Variants in PCED1B observed in about 807,000 individuals in gnomAD.
The protein encoded by PCED1B is PC-esterase domain-containing protein 1B.
For synonymous variants in PCED1B, 251 were observed against 246.1 expected (o/e 1.02, Z -0.19); for missense variants, 573 against 573.9 (o/e 1.00, Z 0.02).
chr12:47,191,750 G>T (rs1313851029), intron 2 of PCED1B, among the ~76,000 whole-genome samples: 1 of 152,080 alleles, frequency 6.6e-6, no homozygotes, highest in East Asian at 1.9e-4. Context: ...ATCGCTGAGG[G>T]TGCGGCCTGG....
intron 2 of PCED1B, among the ~76,000 whole-genome samples, chr12:47,194,319 C>T (rs553914237): frequency 4.0e-4 from 61 of 152,264 alleles, no homozygotes; most frequent in South Asian, 4.1e-4. Flanking sequence ...GGATTACAGG[C>T]GCGCAGCACC....
At chr12:47,125,264 A>T (rs933990147) in intron 2 of PCED1B, among the ~76,000 whole-genome samples, 1 of 151,932 alleles carries the variant, frequency 6.6e-6, no homozygotes, top group East Asian at 1.9e-4. Flanking sequence ...TTTGTTGAAA[A>T]AACTGCCCTT....
At chr12:47,101,634 A>C (rs1347906249) in intron 1 of PCED1B, among the ~76,000 whole-genome samples, 4 of 152,172 alleles carry the variant, frequency 2.6e-5, no homozygotes, top group Non-Finnish European at 5.9e-5. Flanking sequence ...TATGGATCAC[A>C]GGGAAAAAAC....
intron 2 of PCED1B, among the ~76,000 whole-genome samples, chr12:47,188,200 T>A (rs1044399826): frequency 5.3e-5 from 8 of 152,148 alleles, no homozygotes; most frequent in Non-Finnish European, 8.8e-5. Flanking sequence ...GTCTTTGGGT[T>A]CCCAGCATCT....
intron 2 of PCED1B, among the ~76,000 whole-genome samples, chr12:47,111,281 A>C (rs1400643981): frequency 6.6e-6 from 1 of 152,220 alleles, no homozygotes; most frequent in African/African-American, 2.4e-5. Context: ...GTGTTGGAAG[A>C]CTGCCTTTAA....
chr12:47,152,946 A>T (rs1941050410), intron 2 of PCED1B, among the ~76,000 whole-genome samples: 1 of 152,192 alleles, frequency 6.6e-6, no homozygotes, highest in Admixed American at 6.5e-5. Flanking sequence ...AAAAAATAAA[A>T]TAAAATAACA....
At chr12:47,213,184 A>G (rs1943146130) in intron 2 of PCED1B, among the ~76,000 whole-genome samples, 1 of 152,166 alleles carries the variant, frequency 6.6e-6, no homozygotes, top group Non-Finnish European at 1.5e-5. Flanking sequence ...TCTGTTACTA[A>G]ATCGAACTCA....
At chr12:47,140,866 A>G (rs973676219) in intron 2 of PCED1B, among the ~76,000 whole-genome samples, 6 of 152,238 alleles carry the variant, frequency 3.9e-5, no homozygotes, top group Non-Finnish European at 7.3e-5. Context: ...TACCTGCTGA[A>G]TACCCTGAGC....
At chr12:47,125,917 T>C (rs975318603) in intron 2 of PCED1B, among the ~76,000 whole-genome samples, 4 of 152,112 alleles carry the variant, frequency 2.6e-5, no homozygotes, top group African/African-American at 9.6e-5. Context: ...TTCATAGGAT[T>C]TTCTACATAT....
intron 1 of PCED1B, among the ~76,000 whole-genome samples, chr12:47,101,383 G>A (rs929724526): frequency 3.3e-5 from 5 of 152,114 alleles, no homozygotes; most frequent in Non-Finnish European, 5.9e-5. Flanking sequence ...TTTCTTGTTC[G>A]TTCGTTTCTT....
chr12:47,113,417 A>G (rs778769172), intron 2 of PCED1B, among the ~76,000 whole-genome samples: 3 of 152,136 alleles, frequency 2.0e-5, no homozygotes, highest in African/African-American at 4.8e-5. Flanking sequence ...GGCATTTTTT[A>G]CTCCAAATTT....
intron 2 of PCED1B, among the ~76,000 whole-genome samples, chr12:47,128,798 G>C (rs1940001620): frequency 6.6e-6 from 1 of 152,234 alleles, no homozygotes; most frequent in African/African-American, 2.4e-5. Context: ...GATATCTTCT[G>C]AGTTGAATTA....
intron 1 of PCED1B, among the ~76,000 whole-genome samples, chr12:47,086,804 A>G (rs1592124585): frequency 6.6e-6 from 1 of 152,174 alleles, no homozygotes; most frequent in African/African-American, 2.4e-5. Flanking sequence ...ATAAATATGG[A>G]TAATATTTAA....
At chr12:47,226,147 A>G (rs899762549) in intron 3 of PCED1B, among the ~76,000 whole-genome samples, 3 of 152,194 alleles carry the variant, frequency 2.0e-5, no homozygotes, top group African/African-American at 7.2e-5. Flanking sequence ...TTGAAAACAG[A>G]AAAAAACATG....
chr12:47,207,632 G>A (rs144402113), intron 2 of PCED1B, among the ~76,000 whole-genome samples: 2 of 152,246 alleles, frequency 1.3e-5, no homozygotes, highest in African/African-American at 2.4e-5. Flanking sequence ...TGGACCAAGC[G>A]ATGGAAGGAA....
At chr12:47,168,687 G>A (rs1354590617) in intron 2 of PCED1B, among the ~76,000 whole-genome samples, 1 of 152,072 alleles carries the variant, frequency 6.6e-6, no homozygotes, top group African/African-American at 2.4e-5. Context: ...TTCTTGGTTT[G>A]ACATAAATAG....
Position 47,197,967 on chromosome 12 carries a change from A to C in PCED1B, c.-525-18255A>C, listed in dbSNP as rs929312713. 2.0e-5 allele frequency among the ~76,000 whole-genome samples: 3 copies of C among 152,226 alleles called. No homozygotes were observed. In the East Asian group the frequency reaches 5.8e-4, roughly 29 times the overall value. ...CACTGGCTAATTCTACTGAACATTT[A>C]AGGAAGAAGTGATACCAATTCTCTA... On this transcript the variant is annotated intron_variant, in intron 2 of 3. Coordinates refer to ENST00000546455, the MANE Select transcript of PCED1B (RefSeq NM_138371.3).
intron 2 of PCED1B, among the ~76,000 whole-genome samples, chr12:47,131,590 G>T (rs936195970): frequency 5.9e-5 from 9 of 151,898 alleles, no homozygotes; most frequent in Admixed American, 5.2e-4. Flanking sequence ...GAGCAACATG[G>T]GTAGGAAAGG....
rs191455595 is a variant in PCED1B, at chr12:47,088,002, A to G, written c.-609+8277A>G. Among the ~76,000 whole-genome samples, 7 of 152,332 alleles carry G rather than the reference A, an allele frequency of 4.6e-5. No homozygotes were observed. The East Asian group carries it at 9.6e-4, about 21-fold the overall frequency. ...GGATTTTGTTCCAGAACATCCATTTATTAACTATATAACTCTAGGTAAATG... is the reference window on the plus strand; with the variant it reads ...GGATTTTGTTCCAGAACATCCATTTGTTAACTATATAACTCTAGGTAAATG... On this transcript the variant is annotated intron_variant, in intron 1 of 3. Coordinates refer to ENST00000546455, the MANE Select transcript of PCED1B (RefSeq NM_138371.3).
Sources: gnomAD v4.1 joint callset for allele counts (sites outside exome capture counted in the v4.1 genomes callset) on GRCh38, gnomAD v4.1.1 for gene constraint, MANE v1.5 for transcripts, NCBI Gene and HGNC (gene_info 2026-07-23, HGNC 2026-07-21) for gene names.